The following MOK variants were observed in gnomAD, a reference collection of about 807,000 sequenced individuals.
MOK encodes MAPK/MAK/MRK overlapping kinase.
MOK carries 59 observed loss-of-function variants against 54.2 expected under a neutral mutation model. The ratio of observed to expected loss-of-function variants is 1.09; its 90% CI spans 0.88 to 1.35. The LOEUF is 1.35. MOK is among the 40% of genes most tolerant of loss of function. MOK has a pLI of 0.00. For synonymous variants in MOK, 210 were observed against 202.7 expected (o/e 1.04, Z -0.31); for missense variants, 517 against 526.2 (o/e 0.98, Z 0.17).
chr14:102,250,352 T>C (rs990828127), intron 7 of MOK, among the ~76,000 whole-genome samples: 11 of 150,910 alleles, frequency 7.3e-5, no homozygotes, highest in Non-Finnish European at 1.6e-4. Flanking sequence ...TGCCAAAGGC[T>C]GGGGGGGAGT....
intron 1 of MOK, among the ~76,000 whole-genome samples, chr14:102,284,805 C>T (rs1443620956): frequency 6.6e-6 from 1 of 152,084 alleles, no homozygotes; most frequent in African/African-American, 2.4e-5. Context: ...GGGCCAGGCG[C>T]GGTGGCTCAC....
At chr14:102,228,483 A>G (rs1023662477), downstream of MOK, among the ~76,000 whole-genome samples, 9 of 152,082 alleles carry the variant, frequency 5.9e-5, no homozygotes, top group African/African-American at 2.2e-4. Flanking sequence ...GATCACCTGA[A>G]GTCGGGAGTT....
chr14:102,286,644 G>A (rs1024134643), intron 1 of MOK, among the ~76,000 whole-genome samples: 1 of 152,066 alleles, frequency 6.6e-6, no homozygotes, highest in Non-Finnish European at 1.5e-5. Flanking sequence ...AAGTACATAT[G>A]ACAGGAAGAT....
chr14:102,232,591 G>A lies in MOK; in HGVS notation c.810C>T (p.Pro270=), dbSNP rs374982273. The change falls in exon 9 of 12, where the codon CCC becomes CCT. Residue 270 remains proline (P), a synonymous_variant. Coordinates refer to ENST00000361847, the MANE Select transcript of MOK (RefSeq NM_014226.3). The surrounding 1 kb of genome is among the most constrained non-coding windows in gnomAD (Gnocchi z 5.1). The stretch of plus-strand genomic sequence containing the variant: ...CCTGGTGGGCGGCGATTCTCTCATC[G>A]GGATCATAGGCCACCATTGCGTGCA... ...SLLHAMVAYD[P]DERIAAHQAL... 89 of 1,613,918 alleles carry A rather than the reference G, an allele frequency of 5.5e-5. No individual in the cohort carries two copies. The highest frequency in any genetic ancestry group is 6.9e-5 in the Non-Finnish European group (81 of 1,179,986).
At chr14:102,297,690 G>A (rs979079656) in intron 1 of MOK, among the ~76,000 whole-genome samples, 3 of 152,206 alleles carry the variant, frequency 2.0e-5, no homozygotes, top group Non-Finnish European at 2.9e-5. Flanking sequence ...TGGAGGGAGA[G>A]GTGCAGGCGG....
At chr14:102,233,826 G>A (rs369853960) in intron 7 of MOK, 37 bp from the exon 8 acceptor site, 34 of 1,502,256 alleles carry the variant, frequency 2.3e-5, no homozygotes, top group Non-Finnish European at 3.0e-5. Flanking sequence ...TCAGTGTTAG[G>A]GCAGAGCCAA....
chr14:102,281,401 A>T (rs2069413669), intron 2 of MOK, among the ~76,000 whole-genome samples: 1 of 149,222 alleles, frequency 6.7e-6, no homozygotes, highest in Non-Finnish European at 1.5e-5. Context: ...CATGAGGCTG[A>T]GGCTGGATAA....
intron 4 of MOK, among the ~76,000 whole-genome samples, chr14:102,261,487 A>T (rs1283030858): frequency 7.2e-6 from 1 of 138,334 alleles, no homozygotes; most frequent in African/African-American, 2.7e-5. Flanking sequence ...AAGCGTCTAA[A>T]CACACAGCAA....
chr14:102,233,599 G>A (rs1213318690), intron 8 of MOK, 89 bp downstream of exon 8: 18 of 1,169,062 alleles, frequency 1.5e-5, no homozygotes, highest in Non-Finnish European at 2.2e-5. Flanking sequence ...CCTGAGAGGG[G>A]TTTGAGGGAG....
chr14:102,263,587 A>G lies in MOK; in HGVS notation c.242T>C (p.Ile81Thr). ...AATATTCATGTCCATAAGTTCACAT[A>G]TTAGTGCAAGAGAACCAGATTTTCT... ...FDRKSGSLAL[I>T]CELMDMNIYE... The change falls in exon 4 of 12, where the codon ATA (isoleucine) becomes ACA (threonine). Residue 81 changes from isoleucine to threonine, a missense_variant. Ile to Thr is a moderately conservative substitution (Grantham distance 89). Transcript: ENST00000361847. 2 of 1,607,110 alleles carry G rather than the reference A, an allele frequency of 1.2e-6. No homozygotes were observed. Among genetic ancestry groups the G allele is most frequent in the Non-Finnish European group, 1.7e-6 (2 of 1,177,560 alleles).
At chr14:102,215,141 T>G in the MOK span, 1 of 284,550 alleles carries the variant, frequency 3.5e-6, no homozygotes, top group South Asian at 1.4e-4. Flanking sequence ...CCGGAATTGC[T>G]CCCTCTTACT....
At chr14:102,225,748 A>G (rs1278167657), downstream of MOK, 1 of 158,052 alleles carries the variant, frequency 6.3e-6, no homozygotes, top group Non-Finnish European at 1.4e-5. Flanking sequence ...GACTTCCAAA[A>G]TCTAACTGCC....
rs762886999 is a variant in MOK at position 102,233,758 on chromosome 14, G to A, written c.622C>T (p.Leu208=). ...TCGTGGATTTTTGAGATTTGGTCCA[G>A]TTCATTTACTCCAGGAAAGAGGGGC... The part of the protein sequence containing the change: ...LQPLFPGVNE[L]DQISKIHDVI... Residue 208 remains leucine (L), a synonymous_variant, in exon 8 of 12, where the codon CTG becomes TTG. Transcript: ENST00000361847. 1 of 1,614,148 alleles carries A rather than the reference G, an allele frequency of 6.2e-7. No individual in the cohort carries two copies. The highest frequency in any genetic ancestry group is 8.5e-7 in the Non-Finnish European group (1 of 1,179,978).
downstream of MOK, chr14:102,222,711 C>G: frequency 9.9e-7 from 1 of 1,010,830 alleles, no homozygotes; most frequent in Non-Finnish European, 1.6e-6. This position sits in a 1 kb window ranked among gnomAD's most constrained non-coding sequence, Gnocchi z 4.4. Flanking sequence ...TGCTCCCACA[C>G]TGGCTTCCAC....
At chr14:102,241,305 T>C (rs542527946) in intron 7 of MOK, among the ~76,000 whole-genome samples, 2 of 152,212 alleles carry the variant, frequency 1.3e-5, no homozygotes, top group South Asian at 4.2e-4. Context: ...AGGTCTCAAT[T>C]CTTCCTCAGC....
At chr14:102,217,766 T>G in the MOK span, among the ~76,000 whole-genome samples, 1 of 152,228 alleles carries the variant, frequency 6.6e-6, no homozygotes, top group African/African-American at 2.4e-5. Flanking sequence ...GTCTTGCACG[T>G]GAGCAGTTAA....
chr14:102,298,094 G>A (rs575281922), intron 1 of MOK, among the ~76,000 whole-genome samples: 15 of 152,326 alleles, frequency 9.8e-5, no homozygotes, highest in Admixed American at 2.0e-4. Flanking sequence ...TGGGACTGGC[G>A]GGCAGCTCCA....
chr14:102,301,990 G>C (rs1454994563), intron 1 of MOK, among the ~76,000 whole-genome samples: 1 of 151,776 alleles, frequency 6.6e-6, no homozygotes, highest in Non-Finnish European at 1.5e-5. Flanking sequence ...GACCTCAAGT[G>C]ATCAGCCAAC....
downstream of MOK, among the ~76,000 whole-genome samples, chr14:102,227,264 C>T (rs2064287566): frequency 6.6e-6 from 1 of 152,152 alleles, no homozygotes; most frequent in African/African-American, 2.4e-5. Flanking sequence ...GGCCGGGGGA[C>T]AGGGCATGGC....
Sources: allele counts gnomAD v4.1 joint callset (sites outside exome capture counted in the v4.1 genomes callset), GRCh38; gene constraint gnomAD v4.1.1; non-coding constraint Gnocchi (gnomAD v3.1); transcripts MANE v1.5; gene names NCBI Gene and HGNC (gene_info 2026-07-23, HGNC 2026-07-21).